KCNIP4: variants seen among roughly 807,000 people sequenced by gnomAD.
KCNIP4 encodes the protein Kv channel-interacting protein 4.
KCNIP4 carries 12 observed loss-of-function variants against 34.0 expected under a neutral mutation model. The ratio of observed to expected loss-of-function variants is 0.35; its 90% CI spans 0.23 to 0.57. KCNIP4 has a LOEUF of 0.57. KCNIP4 is among the 20% of genes least tolerant of loss of function. KCNIP4 has a pLI of 0.83. For synonymous variants in KCNIP4, 124 were observed against 102.2 expected (o/e 1.21, Z -1.29); for missense variants, 238 against 311.7 (o/e 0.76, Z 1.78).
rs190178257 is a variant in KCNIP4 at position 21,672,062 on chromosome 4, T to G, written c.61+276509A>C. 2.6e-5 allele frequency among the ~76,000 whole-genome samples: 4 copies of G among 152,110 alleles called. No individual in the cohort carries two copies. The East Asian group carries it at 7.7e-4, about 29-fold the overall frequency. ...ACCAAGAAGGGATTTTATGCTAAGA[T>G]AGATCATATTTAAGATACTGGTTCT... On this transcript the variant is annotated intron_variant, in intron 1 of 8. Transcript: ENST00000382152.
chr4:21,385,505 A>G (rs143789858), intron 1 of KCNIP4, among the ~76,000 whole-genome samples: 1,743 of 152,204 alleles, frequency 0.011, 38 homozygotes, highest in African/African-American at 0.04. Context: ...AAGTTAAGGG[A>G]CCTCAAGCAA....
At chr4:21,309,135 T>G (rs1239430856) in intron 1 of KCNIP4, among the ~76,000 whole-genome samples, 1 of 152,208 alleles carries the variant, frequency 6.6e-6, no homozygotes, top group Non-Finnish European at 1.5e-5. Context: ...GTTTGCCCTT[T>G]GATGAACTGA....
intron 1 of KCNIP4, among the ~76,000 whole-genome samples, chr4:21,308,067 T>C (rs1377589612): frequency 6.6e-6 from 1 of 152,242 alleles, no homozygotes; most frequent in Non-Finnish European, 1.5e-5. Flanking sequence ...ATGCAACTCT[T>C]ACCTTCAAGT....
At chr4:21,598,139 A>G (rs550606513) in intron 1 of KCNIP4, among the ~76,000 whole-genome samples, 1 of 152,254 alleles carries the variant, frequency 6.6e-6, no homozygotes, top group South Asian at 2.1e-4. Context: ...GAAGAATGTA[A>G]TACTGTGTTT....
At chr4:20,756,316 C>A (rs1171393514) in intron 4 of KCNIP4, among the ~76,000 whole-genome samples, 1 of 152,026 alleles carries the variant, frequency 6.6e-6, no homozygotes, top group Non-Finnish European at 1.5e-5. Context: ...GAGATAAAAC[C>A]TTCTTCCTGA....
At chr4:21,623,268 T>C (rs1745106252) in intron 1 of KCNIP4, among the ~76,000 whole-genome samples, 1 of 152,216 alleles carries the variant, frequency 6.6e-6, no homozygotes, top group Admixed American at 6.5e-5. Flanking sequence ...ACTAAACAAT[T>C]ATGAATTTAC....
At chr4:21,819,846 G>A (rs1373471958) in intron 1 of KCNIP4, among the ~76,000 whole-genome samples, 1 of 152,026 alleles carries the variant, frequency 6.6e-6, no homozygotes, top group Non-Finnish European at 1.5e-5. Flanking sequence ...AGAAAATTAT[G>A]AGACAGTCCT....
At chr4:21,336,810 C>T (rs71607066) in intron 1 of KCNIP4, among the ~76,000 whole-genome samples, 8,068 of 152,080 alleles carry the variant, frequency 0.053, 412 homozygotes, top group East Asian at 0.2. Flanking sequence ...ACCTTCCGTC[C>T]TACTTGACTT....
intron 1 of KCNIP4, among the ~76,000 whole-genome samples, chr4:21,259,637 T>C (rs745592190): frequency 6.6e-6 from 1 of 152,220 alleles, no homozygotes; most frequent in Non-Finnish European, 1.5e-5. Flanking sequence ...TTGAGCATGA[T>C]GGATACAGCA....
At chr4:21,005,760 G>C (rs978120090) in intron 1 of KCNIP4, among the ~76,000 whole-genome samples, 10 of 152,272 alleles carry the variant, frequency 6.6e-5, no homozygotes, top group Middle Eastern at 6.8e-3. Context: ...TGAATGCAGA[G>C]TGACTTTGGT....
At chr4:21,653,014 A>G (rs1049824821) in intron 1 of KCNIP4, among the ~76,000 whole-genome samples, 2 of 152,220 alleles carry the variant, frequency 1.3e-5, no homozygotes, top group Non-Finnish European at 2.9e-5. Context: ...AGGGAACCAC[A>G]AACAGAAAAA....
intron 1 of KCNIP4, among the ~76,000 whole-genome samples, chr4:21,249,939 C>T (rs888717499): frequency 3.9e-5 from 6 of 151,908 alleles, no homozygotes; most frequent in African/African-American, 7.2e-5. Context: ...TCCCAATGAA[C>T]GAGAGCACTG....
chr4:21,596,171 T>C (rs1742628425), intron 1 of KCNIP4, among the ~76,000 whole-genome samples: 1 of 152,120 alleles, frequency 6.6e-6, no homozygotes, highest in Admixed American at 6.6e-5. Context: ...AGACATAGGC[T>C]ACTTTTGTCT....
rs140321441 is a variant in KCNIP4, at chr4:21,127,529, C to T, written c.62-244820G>A. Among the ~76,000 whole-genome samples the T allele has an allele frequency of 2.1e-3, 313 of 152,288 alleles. 2 individuals are homozygous for T. The highest frequency in any genetic ancestry group is 3.6e-3 in the Non-Finnish European group (248 of 68,018). On this transcript the variant is annotated intron_variant, in intron 1 of 8. Coordinates refer to ENST00000382152, the MANE Select transcript of KCNIP4 (RefSeq NM_025221.6). ...TCTTACCTGACTCTCCGCACTCTCCCCAACCTCCTCCACCCCATCAGACGC... is the reference window on the plus strand; with the variant it reads ...TCTTACCTGACTCTCCGCACTCTCCTCAACCTCCTCCACCCCATCAGACGC...
In KCNIP4 at chr4:20,982,733, G is replaced by A. The variant is rs118036605; in HGVS notation, c.62-100024C>T. Among the ~76,000 whole-genome samples, 232 of 152,262 alleles carry A rather than the reference G, an allele frequency of 1.5e-3. 6 individuals carry two copies. In the East Asian group the frequency reaches 0.022, roughly 15 times the overall value. On this transcript the variant is annotated intron_variant, in intron 1 of 8. Transcript: ENST00000382152. ...TATTAAGAGAAACAACCTGTATACC[G>A]GATCTTGTTTGGGATGATGTCATCA...
At chr4:21,721,781 C>T (rs186239821) in intron 1 of KCNIP4, among the ~76,000 whole-genome samples, 244 of 152,262 alleles carry the variant, frequency 1.6e-3, no homozygotes, top group African/African-American at 5.5e-3. Flanking sequence ...TGGTTGTAAA[C>T]TCAGCACTTG....
chr4:21,381,775 C>T (rs548014822), intron 1 of KCNIP4, among the ~76,000 whole-genome samples: 27 of 152,220 alleles, frequency 1.8e-4, no homozygotes, highest in Admixed American at 1.1e-3. Context: ...AATGTTTCTA[C>T]GACTCCCAGC....
chr4:21,323,151 T>C (rs1390299513), intron 1 of KCNIP4, among the ~76,000 whole-genome samples: 2 of 79,382 alleles, frequency 2.5e-5, no homozygotes, highest in East Asian at 6.2e-4. Flanking sequence ...TAAGTATATA[T>C]ATATATATAT....
intron 1 of KCNIP4, among the ~76,000 whole-genome samples, chr4:21,322,138 AG>A (rs1714556673): frequency 7.3e-6 from 1 of 136,922 alleles, no homozygotes; most frequent in Non-Finnish European, 1.6e-5. Context: ...GGAAGGAAGG[AG>A]GGAGGGAGGG....
Sources: gnomAD v4.1 joint callset for allele counts (sites outside exome capture counted in the v4.1 genomes callset) on GRCh38, gnomAD v4.1.1 for gene constraint, MANE v1.5 for transcripts, NCBI Gene and HGNC (gene_info 2026-07-23, HGNC 2026-07-21) for gene names.